The following IL1RAPL1 variants were observed in gnomAD, a reference collection of about 807,000 sequenced individuals.
The protein encoded by IL1RAPL1 is interleukin-1 receptor accessory protein-like 1.
In IL1RAPL1, 3 loss-of-function variants were observed where a neutral mutation model predicts 48.4. The ratio of observed to expected loss-of-function variants is 0.06; its 90% CI spans 0.03 to 0.16. IL1RAPL1 has a LOEUF of 0.16. Among genes scored for constraint, IL1RAPL1 ranks in the 10% least tolerant of loss-of-function variants. The pLI is 1.00. For missense variants in IL1RAPL1, 349 were observed against 530.6 expected (o/e 0.66, Z 3.36); for synonymous variants, 185 against 187.7 (o/e 0.99, Z 0.12).
At chrX:29,506,789 C>T (rs138844692) in intron 5 of IL1RAPL1, among the ~76,000 whole-genome samples, 1,375 of 109,503 alleles carry the variant, frequency 0.013, 13 homozygotes, top group Non-Finnish European at 0.018. Flanking sequence ...CTTTGTATCT[C>T]TGGCTGTCCT....
At chrX:29,929,505 C>T (rs1315222505) in intron 8 of IL1RAPL1, among the ~76,000 whole-genome samples, 1 of 111,547 alleles carries the variant, frequency 9.0e-6, no homozygotes, top group African/African-American at 3.3e-5. Context: ...TCAATTTTGC[C>T]AATTTTGAAA....
chrX:28,792,787 C>CAAA lies in IL1RAPL1; in HGVS notation c.82+3390_82+3392dup, dbSNP rs1189410830. On this transcript the variant is annotated intron_variant, in intron 2 of 10. Transcript: ENST00000378993. ...TGGGCGACAGAGCAAGACTCCATCT[C>CAAA]AAAAAAAAAAAAAAAAAAAAAAAAA... 7.2e-4 allele frequency among the ~76,000 whole-genome samples: 7 copies of CAAA among 9,723 alleles called. 1 individual carries two copies. Among genetic ancestry groups the CAAA allele is most frequent in the African/African-American group, 8.6e-4 (1 of 1,164 alleles). 8.4% of individuals were successfully genotyped at this position (9,723 alleles called of 115,157 possible). A position where few individuals can be genotyped will look rare whatever the true frequency, so the allele number is the denominator to read the frequency against.
chrX:29,218,304 C>T (rs1039344064), intron 2 of IL1RAPL1, among the ~76,000 whole-genome samples: 1 of 111,630 alleles, frequency 9.0e-6, no homozygotes, highest in Admixed American at 9.6e-5. Flanking sequence ...TACAAATGAC[C>T]ATGCTAGCTA....
At chrX:28,774,377 C>T (rs180987176) in intron 1 of IL1RAPL1, among the ~76,000 whole-genome samples, 126 of 111,431 alleles carry the variant, frequency 1.1e-3, no homozygotes, top group African/African-American at 4.0e-3. Context: ...ATGGATTATC[C>T]GGGTCCTCTG....
chrX:29,088,150 C>G (rs1927995615), intron 2 of IL1RAPL1, among the ~76,000 whole-genome samples: 1 of 112,247 alleles, frequency 8.9e-6, no homozygotes, highest in South Asian at 3.7e-4. Flanking sequence ...AATAGTTTGT[C>G]AAATACGTGC....
At chrX:28,724,958 T>G (rs1935647286) in intron 1 of IL1RAPL1, among the ~76,000 whole-genome samples, 1 of 106,684 alleles carries the variant, frequency 9.4e-6, no homozygotes. Context: ...TGTTTTTTTT[T>G]TTTTTTTTTC....
intron 5 of IL1RAPL1, among the ~76,000 whole-genome samples, chrX:29,490,891 G>A (rs1052105383): frequency 3.1e-5 from 3 of 95,671 alleles, no homozygotes; most frequent in Non-Finnish European, 5.9e-5. Flanking sequence ...TGCAGCTCTA[G>A]TTTTTTATAA....
At chrX:29,130,820 G>A (rs1258705970) in intron 2 of IL1RAPL1, among the ~76,000 whole-genome samples, 2 of 112,098 alleles carry the variant, frequency 1.8e-5, no homozygotes, top group African/African-American at 6.5e-5. Flanking sequence ...TATCTCCTTT[G>A]CTTACTTCAA....
intron 2 of IL1RAPL1, among the ~76,000 whole-genome samples, chrX:29,023,567 A>G (rs1429100573): frequency 8.9e-6 from 1 of 112,790 alleles, no homozygotes; most frequent in East Asian, 2.8e-4. Context: ...AAAAACTTAG[A>G]TCTTGAAAAG....
intron 6 of IL1RAPL1, among the ~76,000 whole-genome samples, chrX:29,808,217 A>C (rs904367777): frequency 8.9e-6 from 1 of 112,088 alleles, no homozygotes; most frequent in Non-Finnish European, 1.9e-5. Context: ...AATTTACCAA[A>C]ATCATAAACA....
intron 1 of IL1RAPL1, among the ~76,000 whole-genome samples, chrX:28,643,090 T>C (rs1343783711): frequency 1.8e-5 from 2 of 111,164 alleles, no homozygotes; most frequent in Non-Finnish European, 3.8e-5. Flanking sequence ...GGTTTCACCA[T>C]GTTGGCCAGG....
chrX:28,996,768 C>T (rs1001932298), intron 2 of IL1RAPL1, among the ~76,000 whole-genome samples: 8 of 110,778 alleles, frequency 7.2e-5, no homozygotes, highest in East Asian at 2.8e-4. Flanking sequence ...TGATTGTAGC[C>T]GTCATAGGAT....
chrX:29,618,959 T>C (rs1362958514), intron 5 of IL1RAPL1, among the ~76,000 whole-genome samples: 2 of 112,011 alleles, frequency 1.8e-5, no homozygotes, highest in South Asian at 3.7e-4. Flanking sequence ...ATGGAACTCT[T>C]GTAGGTCTAT....
intron 5 of IL1RAPL1, among the ~76,000 whole-genome samples, chrX:29,478,283 T>G (rs951484027): frequency 1.8e-5 from 2 of 112,103 alleles, no homozygotes; most frequent in African/African-American, 3.2e-5. Context: ...GCAAAAATAT[T>G]TAGAGCCCTC....
intron 2 of IL1RAPL1, among the ~76,000 whole-genome samples, chrX:29,139,713 G>A (rs959167557): frequency 2.7e-5 from 3 of 111,089 alleles, no homozygotes; most frequent in African/African-American, 9.8e-5. Context: ...TCTGGGGCAA[G>A]GCATAGGGAA....
chrX:29,248,371 C>T (rs1012436873), intron 2 of IL1RAPL1, among the ~76,000 whole-genome samples: 9 of 111,593 alleles, frequency 8.1e-5, no homozygotes, highest in African/African-American at 1.3e-4. Flanking sequence ...TGCAGTGAAC[C>T]GAGATCATGC....
At position 29,632,745 on chromosome X, in the gene IL1RAPL1, A is replaced by AT. The variant is rs778150395; in HGVS notation, c.704-35684dup. Among the ~76,000 whole-genome samples, 470 of 111,273 alleles carry AT rather than the reference A, an allele frequency of 4.2e-3. 3 individuals carry two copies. The highest frequency in any genetic ancestry group is 0.015 in the African/African-American group (448 of 30,613). ...GTGATAGTTTCAGGAGTAGAAAGGA[A>AT]TCATGTCATTTTTTTCACTCTTTTC... On this transcript the variant is annotated intron_variant, in intron 5 of 10. Transcript: ENST00000378993.
At chrX:28,658,778 A>G (rs1350739617) in intron 1 of IL1RAPL1, among the ~76,000 whole-genome samples, 1 of 111,291 alleles carries the variant, frequency 9.0e-6, no homozygotes, top group Admixed American at 9.6e-5. Flanking sequence ...TAACGGGTTT[A>G]TTTATAATTA....
At chrX:29,916,288 T>C (rs1932800484) in intron 6 of IL1RAPL1, among the ~76,000 whole-genome samples, 1 of 110,949 alleles carries the variant, frequency 9.0e-6, no homozygotes, top group Non-Finnish European at 1.9e-5. Flanking sequence ...CTGGGTCAAA[T>C]GGTATTTCTA....
Sources: allele counts gnomAD v4.1 joint callset (sites outside exome capture counted in the v4.1 genomes callset), GRCh38; gene constraint gnomAD v4.1.1; transcripts MANE v1.5; gene names NCBI Gene and HGNC (gene_info 2026-07-23, HGNC 2026-07-21).